AGBL1: variants seen among roughly 807,000 people sequenced by gnomAD.
The protein encoded by AGBL1 is cytosolic carboxypeptidase 4.
AGBL1 carries 130 observed loss-of-function variants against 118.9 expected under a neutral mutation model. The observed-to-expected ratio is 1.09, with a 90% CI of 0.95 to 1.26. The LOEUF (loss-of-function observed/expected upper bound fraction) is 1.26, where lower values mean the gene tolerates loss of function less well. Ranked by LOEUF, AGBL1 falls within the 50% of genes most tolerant of loss-of-function variation. The pLI is 0.00. For missense variants in AGBL1, 1,584 were observed against 1,298.1 expected (o/e 1.22, Z -3.38); for synonymous variants, 555 against 478.9 (o/e 1.16, Z -2.08).
At position 86,910,358 on chromosome 15, in the gene AGBL1, G is replaced by C. The variant is rs1233840210; in HGVS notation, c.*3064G>C. ...TGTGAGGAAAGGAGGAGAGTGACAA[G>C]AGATGAAATGGAAAAACTAGACAGC... On this transcript the variant is annotated 3_prime_UTR_variant, in exon 23 of 23. Transcript: ENST00000614907. 6.6e-6 allele frequency: 1 copy of C among 152,204 alleles called. No individual in the cohort carries two copies. Among genetic ancestry groups the C allele is most frequent in the Non-Finnish European group, 1.5e-5 (1 of 68,036 alleles). The allele number at this position is 152,204 out of a possible 1,614,324, so 9.4% of individuals were successfully genotyped here. A position where few individuals can be genotyped will look rare whatever the true frequency, so the allele number is the denominator to read the frequency against.
At position 86,911,460 on chromosome 15, in the gene AGBL1, G is replaced by T. The variant is rs1215468959; in HGVS notation, c.*4166G>T. On this transcript the variant is annotated 3_prime_UTR_variant, in exon 23 of 23. Coordinates refer to ENST00000614907, the MANE Select transcript of AGBL1 (RefSeq NM_001386094.1). ...TTGTGGCTTCACATTTCCTTCAGAA[G>T]GAAGTCTAAATGTCTCAACAGATCC... The T allele has an allele frequency of 6.6e-6, 1 of 152,086 alleles. No homozygotes were observed. The highest frequency in any genetic ancestry group is 6.5e-5 in the Admixed American group (1 of 15,274). 9.4% of individuals were successfully genotyped at this position (152,086 alleles called of 1,614,324 possible).
In AGBL1 at chr15:86,915,350, C is replaced by T. The variant is rs2080405968; in HGVS notation, c.*8056C>T. ...GATAAAATGCAGACAGGACCTAGTG[C>T]TTGAGCCTTTTCAGATCCAGCCACT... On this transcript the variant is annotated 3_prime_UTR_variant, in exon 23 of 23. Transcript: ENST00000614907. 1 of 152,302 alleles carries T rather than the reference C, an allele frequency of 6.6e-6. No homozygotes were observed. The highest frequency in any genetic ancestry group is 2.1e-4 in the South Asian group (1 of 4,824). 9.4% of individuals were successfully genotyped at this position (152,302 alleles called of 1,614,324 possible). A position where few individuals can be genotyped will look rare whatever the true frequency, so the allele number is the denominator to read the frequency against.
chr15:86,668,509 C>T (rs1466966595), intron 21 of AGBL1, among the ~76,000 whole-genome samples: 2 of 152,106 alleles, frequency 1.3e-5, no homozygotes, highest in African/African-American at 4.8e-5. Flanking sequence ...ATCTATTTCA[C>T]AAAAAGACGT....
At chr15:86,998,053 T>C (rs945090245) in intron 24 of AGBL1, among the ~76,000 whole-genome samples, 1 of 152,166 alleles carries the variant, frequency 6.6e-6, no homozygotes, top group Non-Finnish European at 1.5e-5. Context: ...ATGTCTGTGA[T>C]GTCTTAGGAA....
At chr15:86,697,648 G>A (rs2086285198) in intron 22 of AGBL1, among the ~76,000 whole-genome samples, 1 of 151,682 alleles carries the variant, frequency 6.6e-6, no homozygotes, top group Non-Finnish European at 1.5e-5. Context: ...TTTTGGGGGA[G>A]TGTTAAAGAA....
chr15:86,959,405 T>C (rs2080968214), intron 23 of AGBL1, among the ~76,000 whole-genome samples: 1 of 152,134 alleles, frequency 6.6e-6, no homozygotes, highest in Non-Finnish European at 1.5e-5. Flanking sequence ...AAAATGTCCC[T>C]GCCTGGAAAT....
chr15:86,841,086 A>C (rs946624232), intron 22 of AGBL1, among the ~76,000 whole-genome samples: 1 of 152,234 alleles, frequency 6.6e-6, no homozygotes, highest in Non-Finnish European at 1.5e-5. Flanking sequence ...CGATGCGTAC[A>C]CTTGGAGAGA....
intron 22 of AGBL1, among the ~76,000 whole-genome samples, chr15:86,723,197 A>G (rs1031586517): frequency 6.6e-6 from 1 of 152,248 alleles, no homozygotes; most frequent in African/African-American, 2.4e-5. Flanking sequence ...ATAAAGACAC[A>G]TGCATACATA....
chr15:86,135,450 G>T (rs2076876717), intron 1 of AGBL1, among the ~76,000 whole-genome samples: 1 of 152,200 alleles, frequency 6.6e-6, no homozygotes, highest in Non-Finnish European at 1.5e-5. Context: ...CTCTGTATTT[G>T]CTTGCTCAGT....
At chr15:86,906,589 G>C (rs913929025) in intron 22 of AGBL1, among the ~76,000 whole-genome samples, 3 of 152,174 alleles carry the variant, frequency 2.0e-5, no homozygotes, top group Non-Finnish European at 4.4e-5. Flanking sequence ...CGAGGGCTTT[G>C]AGTTCTGTCT....
chr15:86,710,735 G>T (rs1331108841), intron 22 of AGBL1, among the ~76,000 whole-genome samples: 1 of 152,158 alleles, frequency 6.6e-6, no homozygotes, highest in Non-Finnish European at 1.5e-5. Flanking sequence ...TAGACAATGG[G>T]TGCCAAGGTT....
chr15:86,562,376 C>A (rs550070464), intron 21 of AGBL1, among the ~76,000 whole-genome samples: 1 of 152,230 alleles, frequency 6.6e-6, no homozygotes, highest in South Asian at 2.1e-4. Flanking sequence ...TTGCCAAAGG[C>A]CTTTTCTGCA....
chr15:86,492,116 A>G (rs1291908422), intron 18 of AGBL1, among the ~76,000 whole-genome samples: 1 of 152,038 alleles, frequency 6.6e-6, no homozygotes, highest in Non-Finnish European at 1.5e-5. Flanking sequence ...TTGAATTATA[A>G]CTCATTATGA....
intron 17 of AGBL1, among the ~76,000 whole-genome samples, chr15:86,348,455 G>A (rs764977268): frequency 6.6e-6 from 1 of 152,178 alleles, no homozygotes; most frequent in Non-Finnish European, 1.5e-5. Context: ...AATGTCTGGA[G>A]ACACTTTTGA....
chr15:86,629,067 T>C (rs2084928613), intron 21 of AGBL1, among the ~76,000 whole-genome samples: 1 of 152,168 alleles, frequency 6.6e-6, no homozygotes, highest in Admixed American at 6.5e-5. Flanking sequence ...GTCACCATGC[T>C]GTACATTAGG....
At chr15:86,085,295 C>G (rs554042593) in intron 1 of AGBL1, among the ~76,000 whole-genome samples, 5 of 152,042 alleles carry the variant, frequency 3.3e-5, no homozygotes, top group Non-Finnish European at 7.4e-5. Context: ...GATCTTCCCC[C>G]GGTCATGGCG....
chr15:86,301,089 TC>T (rs2079737026), intron 17 of AGBL1, among the ~76,000 whole-genome samples: 1 of 152,206 alleles, frequency 6.6e-6, no homozygotes, highest in Non-Finnish European at 1.5e-5. Context: ...AACAGAGCTT[TC>T]CGTTGGGGAG....
At chr15:86,760,708 G>A (rs2078011353) in intron 22 of AGBL1, among the ~76,000 whole-genome samples, 1 of 152,088 alleles carries the variant, frequency 6.6e-6, no homozygotes, top group African/African-American at 2.4e-5. Context: ...TTGGCAGTGT[G>A]AAAGACAGCT....
At chr15:86,624,562 C>T (rs2142418643) in intron 21 of AGBL1, among the ~76,000 whole-genome samples, 1 of 152,274 alleles carries the variant, frequency 6.6e-6, no homozygotes, top group East Asian at 1.9e-4. Flanking sequence ...TCAATTAAGG[C>T]CCAAAAGGCT....
Sources: gnomAD v4.1 joint callset for allele counts (sites outside exome capture counted in the v4.1 genomes callset) on GRCh38, gnomAD v4.1.1 for gene constraint, MANE v1.5 for transcripts, NCBI Gene and HGNC (gene_info 2026-07-23, HGNC 2026-07-21) for gene names.